MYO15B: variants seen among roughly 807,000 people sequenced by gnomAD.
MYO15B encodes myosin XVB, also known as myosin XVB pseudogene.
MYO15B carries 207 observed loss-of-function variants against 119.3 expected under a neutral mutation model. The ratio of observed to expected loss-of-function variants is 1.73; its 90% CI spans 1.55 to 1.95. The LOEUF (loss-of-function observed/expected upper bound fraction) is 1.95. Among genes scored for constraint, MYO15B ranks in the 30% most tolerant of loss-of-function variants. The pLI is 0.00. For missense variants in MYO15B, 2,264 were observed against 1,203.1 expected (o/e 1.88, Z -13.04); for synonymous variants, 966 against 498.9 (o/e 1.94, Z -12.48).
At chr17:75,606,857 A>G in intron 21 of MYO15B, 2 of 397,522 alleles carry the variant, frequency 5.0e-6, no homozygotes, top group Middle Eastern at 6.3e-4. Context: ...TTTACCCTGC[A>G]GTGACTTTAG....
At chr17:75,614,919 T>G (rs894565402) in intron 32 of MYO15B, 42 bp from the exon 33 acceptor site, 4 of 702,830 alleles carry the variant, frequency 5.7e-6, no homozygotes, top group Middle Eastern at 2.3e-4. Flanking sequence ...CTTCCATTTT[T>G]CTCAGGGCTC....
exon 42 of MYO15B, chr17:75,617,851 C>T (rs1325736096): frequency 2.8e-6 from 2 of 702,854 alleles, no homozygotes; most frequent in Non-Finnish European, 5.2e-6. Context: ...CTCCACCCAG[C>T]TACTCGCGCC....
At chr17:75,598,527 C>CAAA (rs34267285) in intron 14 of MYO15B, among the ~76,000 whole-genome samples, 11 of 20,488 alleles carry the variant, frequency 5.4e-4, no homozygotes, top group East Asian at 2.3e-3. Context: ...GACTCCATCT[C>CAAA]AAAAAAAAAA....
At position 75,625,586 on chromosome 17, in the gene MYO15B, T is replaced by C. The variant is rs966119078; in HGVS notation, c.8864T>C (p.Ile2955Thr). 1.1e-5 allele frequency: 8 copies of C among 702,798 alleles called. No individual in the cohort carries two copies. The Admixed American group carries it at 1.6e-4, about 14-fold the overall frequency. 43.5% of individuals were successfully genotyped at this position (702,798 alleles called of 1,614,324 possible). The stretch of plus-strand genomic sequence containing the variant: ...CAACGGCAGGTGAACACGGCCTCCA[T>C]CAAGAACCTGATGGGTCAGGAGCTG... Residue 2955 changes from isoleucine to threonine, a missense_variant, in exon 61 of 64, where the codon ATC (isoleucine) becomes ACC (threonine). Ile to Thr is a moderately conservative substitution (Grantham distance 89). Transcript: ENST00000645453.
At chr17:75,618,814 C>G (rs927008336) in intron 43 of MYO15B, among the ~76,000 whole-genome samples, 13 of 152,218 alleles carry the variant, frequency 8.5e-5, no homozygotes, top group African/African-American at 3.1e-4. Context: ...CTCTGTTCCC[C>G]CTAATTCTGC....
intron 43 of MYO15B, 128 bp downstream of exon 43, chr17:75,618,313 C>G (rs2148063549): frequency 1.5e-6 from 1 of 651,010 alleles, no homozygotes; most frequent in Non-Finnish European, 2.8e-6. Flanking sequence ...GGGGGCACTT[C>G]TGTGTGCCCA....
Position 75,592,452 on chromosome 17 carries a change from G to GT in MYO15B, c.2746dup (p.Tyr916LeufsTer44), listed in dbSNP as rs1305311492. ...GGCCCAGGCTGAGCGGAGCTTCCAT[G>GT]TTTTTTACAAGCTGCTGGCAGGGCT... On this transcript the variant is annotated frameshift_variant, in exon 8 of 64. Transcript: ENST00000645453. LOFTEE classifies it high-confidence loss of function. 2.6e-5 allele frequency: 16 copies of GT among 614,454 alleles called. No individual in the cohort carries two copies. Among genetic ancestry groups the GT allele is most frequent in the Non-Finnish European group, 4.6e-5 (16 of 344,880 alleles). The allele number at this position is 614,454 out of a possible 1,614,324, so 38.1% of individuals were successfully genotyped here.
intron 30 of MYO15B, 62 bp downstream of exon 30, chr17:75,614,422 C>G: frequency 1.5e-6 from 1 of 685,316 alleles, no homozygotes; most frequent in South Asian, 1.5e-5. Flanking sequence ...CACAGCCACC[C>G]TGCCACACTC....
chr17:75,623,415 G>A (rs2058820985), intron 53 of MYO15B, among the ~76,000 whole-genome samples: 1 of 152,130 alleles, frequency 6.6e-6, no homozygotes, highest in African/African-American at 2.4e-5. Flanking sequence ...GATCACCTGA[G>A]GTCAGGAGTT....
exon 21 of MYO15B, chr17:75,605,990 A>G (rs1229192408): frequency 1.4e-6 from 1 of 701,742 alleles, no homozygotes; most frequent in South Asian, 1.5e-5. Flanking sequence ...CCTGCCCCGG[A>G]TGCAGGCTCG....
At chr17:75,626,766 C>A (rs1288058335) in exon 64 of MYO15B, 7 of 536,230 alleles carry the variant, frequency 1.3e-5, no homozygotes, top group Admixed American at 3.4e-5. Flanking sequence ...CCACCCGACC[C>A]CAGGCTCCGC....
At chr17:75,614,887 C>T (rs771658478) in intron 32 of MYO15B, 38 bp downstream of exon 32, 7 of 702,888 alleles carry the variant, frequency 1.0e-5, no homozygotes, top group South Asian at 8.9e-5. Context: ...CCTGCCCCAA[C>T]CCCCCGGGGC....
chr17:75,603,420 G>A (rs2057412408), intron 19 of MYO15B, 108 bp downstream of exon 19: 1 of 628,588 alleles, frequency 1.6e-6, no homozygotes, highest in Admixed American at 2.6e-5. Flanking sequence ...CCAGGACTGG[G>A]CCTAGCACCC....
intron 14 of MYO15B, 82 bp from the exon 15 acceptor site, chr17:75,601,356 A>G (rs1598766903): frequency 1.5e-6 from 1 of 678,018 alleles, no homozygotes; most frequent in South Asian, 1.6e-5. Flanking sequence ...TGTAGGCAGT[A>G]CTCGTGCTCA....
chr17:75,626,012 GACCC>G, intron 62 of MYO15B, 35 bp downstream of exon 62: 1 of 699,130 alleles, frequency 1.4e-6, no homozygotes, highest in South Asian at 1.5e-5. Context: ...CTGGCCTAGG[GACCC>G]TTGGGCTGTT....
chr17:75,601,129 T>C (rs1201154284), intron 14 of MYO15B, among the ~76,000 whole-genome samples: 1 of 151,778 alleles, frequency 6.6e-6, no homozygotes, highest in African/African-American at 2.4e-5. Context: ...GGTCTCGAAC[T>C]CCTGACCTTG....
chr17:75,611,464 G>A, intron 23 of MYO15B, 137 bp from the exon 24 acceptor site: 1 of 578,330 alleles, frequency 1.7e-6, no homozygotes, highest in Non-Finnish European at 3.0e-6. Flanking sequence ...GTGAGACCCT[G>A]CCTCAAAAAA....
At chr17:75,614,054 C>G in intron 29 of MYO15B, 145 bp from the exon 30 acceptor site, 1 of 615,476 alleles carries the variant, frequency 1.6e-6, no homozygotes, top group Non-Finnish European at 2.9e-6. Flanking sequence ...GAGCAGCCCC[C>G]ACTGCTGAGC....
chr17:75,611,388 G>C (rs548506651), intron 23 of MYO15B, among the ~76,000 whole-genome samples: 119 of 150,126 alleles, frequency 7.9e-4, no homozygotes, highest in Middle Eastern at 3.5e-3. Flanking sequence ...GCTTGAGCTA[G>C]AGCCTCAGAA....
Sources: allele counts gnomAD v4.1 joint callset (sites outside exome capture counted in the v4.1 genomes callset), GRCh38; gene constraint gnomAD v4.1.1; transcripts MANE v1.5; gene names NCBI Gene and HGNC (gene_info 2026-07-23, HGNC 2026-07-21).